PHC3: variants seen among roughly 807,000 people sequenced by gnomAD.
PHC3 encodes polyhomeotic-like protein 3.
Under a neutral mutation model 107.4 loss-of-function variants are expected in PHC3, and 13 were observed. The observed-to-expected ratio is 0.12, with a 90% CI of 0.08 to 0.19. The LOEUF (loss-of-function observed/expected upper bound fraction) is 0.19. PHC3 is among the 10% of genes least tolerant of loss of function. PHC3 has a pLI of 1.00. For missense variants in PHC3, 992 were observed against 1,210.9 expected (o/e 0.82, Z 2.68); for synonymous variants, 456 against 427.4 (o/e 1.07, Z -0.83).
chr3:170,097,056 T>G lies in PHC3; in HGVS notation c.*174A>C. On this transcript the variant is annotated 3_prime_UTR_variant, in exon 15 of 15. Transcript: ENST00000495893. The surrounding 1 kb of genome is among the most constrained non-coding windows in gnomAD (Gnocchi z 4.1). ...TACCAATGTTTATTAATTATGAAAA[T>G]GCATGATGAATTATTATACCTGTAG... 3.9e-6 allele frequency: 2 copies of G among 513,566 alleles called. No homozygotes were observed. Among genetic ancestry groups the G allele is most frequent in the Non-Finnish European group, 6.5e-6 (2 of 305,480 alleles). 31.8% of individuals were successfully genotyped at this position (513,566 alleles called of 1,614,324 possible).
chr3:170,126,640 C>G (rs1326518212), intron 8 of PHC3, among the ~76,000 whole-genome samples: 1 of 150,668 alleles, frequency 6.6e-6, no homozygotes, highest in Non-Finnish European at 1.5e-5. Context: ...CTCACGGGTT[C>G]AAGCCATTCT....
chr3:170,149,661 G>A (rs2108593832), intron 4 of PHC3, among the ~76,000 whole-genome samples: 1 of 152,114 alleles, frequency 6.6e-6, no homozygotes, highest in East Asian at 1.9e-4. Context: ...TCTCCATGTT[G>A]GTCAGGCTGG....
At chr3:170,176,324 G>A (rs553440401) in intron 2 of PHC3, among the ~76,000 whole-genome samples, 16 of 151,246 alleles carry the variant, frequency 1.1e-4, no homozygotes, top group Admixed American at 2.6e-4. Context: ...ATTCAAGTTT[G>A]AATTTCTGGT....
At chr3:170,181,646 C>A in intron 1 of PHC3, 56 bp downstream of exon 1, 6 of 1,612,332 alleles carry the variant, frequency 3.7e-6, no homozygotes, top group Non-Finnish European at 5.1e-6. Context: ...GGGAACGTGT[C>A]GCTGCCCCAA....
At chr3:170,116,399 G>A (rs996773546) in intron 10 of PHC3, among the ~76,000 whole-genome samples, 9 of 151,686 alleles carry the variant, frequency 5.9e-5, no homozygotes, top group East Asian at 1.9e-4. Context: ...CCCCCTCTTC[G>A]GTACTAAAAA....
chr3:170,158,446 CA>C (rs375679919), intron 4 of PHC3, among the ~76,000 whole-genome samples: 1 of 151,650 alleles, frequency 6.6e-6, no homozygotes, highest in Non-Finnish European at 1.5e-5. Context: ...ACTAAAAATA[CA>C]AAAAATTAGC....
intron 7 of PHC3, among the ~76,000 whole-genome samples, chr3:170,131,147 A>T (rs1722206399): frequency 1.1e-3 from 2 of 1,866 alleles, no homozygotes; most frequent in South Asian, 0.1. Flanking sequence ...CTAATTGTTA[A>T]AAAAAAAAAA....
At chr3:170,103,486 C>T (rs540219345) in intron 12 of PHC3, among the ~76,000 whole-genome samples, 1 of 152,288 alleles carries the variant, frequency 6.6e-6, no homozygotes, top group South Asian at 2.1e-4. Context: ...ATTGCTCTCA[C>T]TATTCAGAAA....
chr3:170,133,399 G>A (rs967558123), intron 7 of PHC3, among the ~76,000 whole-genome samples: 2 of 152,018 alleles, frequency 1.3e-5, no homozygotes, highest in African/African-American at 2.4e-5. Flanking sequence ...GGATGGTCTC[G>A]ATCTCTTGAC....
intron 8 of PHC3, among the ~76,000 whole-genome samples, chr3:170,124,291 T>C (rs950107283): frequency 1.3e-5 from 2 of 152,276 alleles, no homozygotes; most frequent in African/African-American, 4.8e-5. Flanking sequence ...TAAGAGTTCA[T>C]TTCCCTTCTT....
intron 9 of PHC3, among the ~76,000 whole-genome samples, chr3:170,120,145 A>G (rs1719943173): frequency 6.6e-6 from 1 of 152,164 alleles, no homozygotes; most frequent in African/African-American, 2.4e-5. Context: ...CTCTAATCTC[A>G]TGACAGATTA....
chr3:170,102,561 G>C lies in PHC3; in HGVS notation c.2751C>G (p.Asn917Lys). 1 of 1,613,882 alleles carries C rather than the reference G, an allele frequency of 6.2e-7. No homozygotes were observed. Among genetic ancestry groups the C allele is most frequent in the East Asian group, 2.2e-5 (1 of 44,872 alleles). The change falls in exon 14 of 15, where the codon AAC becomes AAG. Residue 917 changes from asparagine to lysine, a missense_variant. Asn to Lys is a moderately conservative substitution (Grantham distance 94, BLOSUM62 0). Transcript: ENST00000495893. ...RDVRIRKMPE[N>K]SDLLPVAQTE... ...TTTGTGCAACTGGTAGCAAGTCACT[G>C]TTCTCAGGCATTTTCCGAATTCTCA... is the stretch of plus-strand genomic sequence containing the variant.
At chr3:170,121,743 T>C (rs1475128925) in intron 9 of PHC3, among the ~76,000 whole-genome samples, 1 of 152,218 alleles carries the variant, frequency 6.6e-6, no homozygotes, top group Non-Finnish European at 1.5e-5. Flanking sequence ...ATATATGGCT[T>C]AGAATGCTTC....
intron 1 of PHC3, among the ~76,000 whole-genome samples, chr3:170,179,948 C>A (rs1028698469): frequency 1.3e-5 from 2 of 152,086 alleles, no homozygotes; most frequent in Non-Finnish European, 2.9e-5. Context: ...CTAAATCCCA[C>A]CCACCCCACA....
chr3:170,178,937 A>T lies in PHC3; in HGVS notation c.16T>A (p.Phe6Ile), dbSNP rs1428356800. Reference sequence around the variant, plus strand: ...TCCATAGCTGTACTATGGTCCTTAAATCTGGCAGGTCACACAAAGTGTTTG... The same window carrying T: ...TCCATAGCTGTACTATGGTCCTTAATTCTGGCAGGTCACACAAAGTGTTTG... MAEAEFKDHSTAMDTE... is the reference protein window; with the variant it reads MAEAEIKDHSTAMDTE... The change falls in exon 2 of 15, where the codon TTT (phenylalanine) becomes ATT (isoleucine). Residue 6 changes from phenylalanine (F) to isoleucine (I), a missense_variant and splice_region_variant. Phe to Ile is a conservative substitution (Grantham distance 21). Coordinates refer to ENST00000495893, the MANE Select transcript of PHC3 (RefSeq NM_024947.4). 1 of 1,611,066 alleles carries T rather than the reference A, an allele frequency of 6.2e-7. No individual in the cohort carries two copies. Among genetic ancestry groups the T allele is most frequent in the Non-Finnish European group, 8.5e-7 (1 of 1,178,046 alleles).
At chr3:170,129,823 C>A (rs997441356) in intron 7 of PHC3, among the ~76,000 whole-genome samples, 1 of 152,080 alleles carries the variant, frequency 6.6e-6, no homozygotes, top group African/African-American at 2.4e-5. Flanking sequence ...TCTCTGCCTC[C>A]GGAGTAGCTG....
chr3:170,104,820 T>A (rs1188245972), intron 12 of PHC3, among the ~76,000 whole-genome samples: 7 of 152,240 alleles, frequency 4.6e-5, no homozygotes, highest in Non-Finnish European at 7.3e-5. Context: ...GCTGTGTTCA[T>A]AATGTGCTCA....
chr3:170,149,868 A>C (rs1479321174), intron 4 of PHC3: 1 of 152,208 alleles, frequency 6.6e-6, no homozygotes, highest in Non-Finnish European at 1.5e-5. Context: ...CAGCACATAT[A>C]CTAAAACTGG....
chr3:170,148,960 G>T, intron 5 of PHC3, 126 bp downstream of exon 5: 2 of 885,556 alleles, frequency 2.3e-6, no homozygotes, highest in Non-Finnish European at 1.7e-6. Context: ...AGGCACGCCC[G>T]CATGCACACA....
Sources: gnomAD v4.1 joint callset for allele counts (sites outside exome capture counted in the v4.1 genomes callset) on GRCh38, gnomAD v4.1.1 for gene constraint, Gnocchi (gnomAD v3.1) non-coding constraint, MANE v1.5 for transcripts, NCBI Gene and HGNC (gene_info 2026-07-23, HGNC 2026-07-21) for gene names.